The following PALM2AKAP2 variants were observed in gnomAD, a reference collection of about 807,000 sequenced individuals.
PALM2AKAP2 encodes PALM2-AKAP2 fusion protein.
In PALM2AKAP2, 37 loss-of-function variants were observed where a neutral mutation model predicts 71.5. The ratio of observed to expected loss-of-function variants is 0.52; its 90% CI spans 0.40 to 0.68. PALM2AKAP2 has a LOEUF of 0.68. PALM2AKAP2 is among the 30% of genes least tolerant of loss of function. The probability of loss-of-function intolerance (pLI) is 0.00; values close to 1 mark genes in which losing one functional copy is unlikely to be tolerated. For missense variants in PALM2AKAP2, 1,224 were observed against 1,191.8 expected (o/e 1.03, Z -0.40); for synonymous variants, 468 against 478.8 (o/e 0.98, Z 0.29).
intron 3 of PALM2AKAP2, among the ~76,000 whole-genome samples, chr9:109,896,970 G>GT (rs750585312): frequency 7.7e-4 from 117 of 151,440 alleles, no homozygotes; most frequent in East Asian, 4.1e-3. Context: ...TTAGTTTCAA[G>GT]TTTTTTTTTG....
At chr9:109,996,068 A>T (rs182529112) in intron 6 of PALM2AKAP2, among the ~76,000 whole-genome samples, 3 of 152,186 alleles carry the variant, frequency 2.0e-5, no homozygotes, top group East Asian at 1.9e-4. Flanking sequence ...GAGCACAAAG[A>T]CTCTAAATAT....
intron 1 of PALM2AKAP2, among the ~76,000 whole-genome samples, chr9:110,080,039 C>T (rs141054322): frequency 0.014 from 1,853 of 127,818 alleles, 35 homozygotes; most frequent in African/African-American, 0.054. Flanking sequence ...CATTGCACTT[C>T]AGCTTGGGTG....
chr9:110,000,978 A>C (rs1475494462), intron 6 of PALM2AKAP2, among the ~76,000 whole-genome samples: 2 of 152,180 alleles, frequency 1.3e-5, no homozygotes, highest in Non-Finnish European at 2.9e-5. Flanking sequence ...GTTCACTCTG[A>C]TGGTAGTTTC....
chr9:110,112,954 C>G (rs143150065), intron 1 of PALM2AKAP2, among the ~76,000 whole-genome samples: 28 of 152,366 alleles, frequency 1.8e-4, no homozygotes, highest in Non-Finnish European at 3.4e-4. Context: ...AGCACCTCAT[C>G]ATCAACTAAA....
At chr9:110,071,163 CAA>C (rs768229567) in intron 1 of PALM2AKAP2, among the ~76,000 whole-genome samples, 1,873 of 101,824 alleles carry the variant, frequency 0.018, 93 homozygotes, top group African/African-American at 0.073. Flanking sequence ...GACTCTGTTT[CAA>C]AAAAAAAAAA....
At chr9:109,832,487 A>G (rs982320501) in intron 1 of PALM2AKAP2, among the ~76,000 whole-genome samples, 1 of 152,322 alleles carries the variant, frequency 6.6e-6, no homozygotes, top group East Asian at 1.9e-4. Context: ...GAACTTTTCA[A>G]CTTTGGTCCC....
Position 109,906,243 on chromosome 9 carries a change from G to T in PALM2AKAP2, c.258-17492G>T, listed in dbSNP as rs187329869. On this transcript the variant is annotated intron_variant, in intron 3 of 9. Transcript: ENST00000302798. ...GGATGGAATCTTGCTCTGTCACCCA[G>T]GCTGGAGTGCAGTGGTGCAATCTCG... Among the ~76,000 whole-genome samples, 160 of 152,312 alleles carry T rather than the reference G, an allele frequency of 1.1e-3. 2 individuals carry two copies. The highest frequency in any genetic ancestry group is 3.8e-3 in the African/African-American group (156 of 41,562).
intron 3 of PALM2AKAP2, among the ~76,000 whole-genome samples, chr9:109,883,733 T>C (rs2418062): frequency 0.013 from 1,912 of 152,346 alleles, 20 homozygotes; most frequent in Admixed American, 0.034. Context: ...TAAAGGCTCA[T>C]TGCAAACATG....
At chr9:109,662,238 T>A (rs1290239132) in intron 1 of PALM2AKAP2, among the ~76,000 whole-genome samples, 1 of 152,208 alleles carries the variant, frequency 6.6e-6, no homozygotes, top group Non-Finnish European at 1.5e-5. Flanking sequence ...CATCCCTGTC[T>A]TGTGCCAGTT....
chr9:109,687,040 G>T (rs896689416), intron 1 of PALM2AKAP2, among the ~76,000 whole-genome samples: 7 of 152,146 alleles, frequency 4.6e-5, no homozygotes, highest in African/African-American at 1.7e-4. Flanking sequence ...GTATTCCATG[G>T]TGTATATGTG....
intron 1 of PALM2AKAP2, among the ~76,000 whole-genome samples, chr9:109,688,433 C>G (rs183009676): frequency 4.5e-4 from 68 of 152,338 alleles, no homozygotes; most frequent in African/African-American, 1.5e-3. Flanking sequence ...GAGCCTTGCT[C>G]TATCTTGAGT....
intron 6 of PALM2AKAP2, among the ~76,000 whole-genome samples, chr9:109,977,579 A>C (rs1279647451): frequency 6.6e-6 from 1 of 152,210 alleles, no homozygotes; most frequent in Non-Finnish European, 1.5e-5. Context: ...TACACCAAAA[A>C]GTAATTGGTT....
chr9:110,044,671 T>A (rs1588074881), upstream of PALM2AKAP2, among the ~76,000 whole-genome samples: 1 of 151,968 alleles, frequency 6.6e-6, no homozygotes, highest in Non-Finnish European at 1.5e-5. Flanking sequence ...TCTTACTTTT[T>A]TTTTTTTTTA....
At chr9:109,956,385 G>A (rs1020467436) in intron 6 of PALM2AKAP2, among the ~76,000 whole-genome samples, 2 of 152,034 alleles carry the variant, frequency 1.3e-5, no homozygotes, top group African/African-American at 4.8e-5. Context: ...TTAAAAACAC[G>A]AGCTGTGGGC....
intron 1 of PALM2AKAP2, among the ~76,000 whole-genome samples, chr9:110,133,492 GATTA>G (rs1384531172): frequency 1.5e-4 from 23 of 152,158 alleles, no homozygotes; most frequent in Non-Finnish European, 3.2e-4. Flanking sequence ...TTAATGAACG[GATTA>G]ATTAATTAAA....
intron 3 of PALM2AKAP2, among the ~76,000 whole-genome samples, chr9:110,165,833 T>C (rs1260915592): frequency 6.6e-6 from 1 of 152,204 alleles, no homozygotes; most frequent in Non-Finnish European, 1.5e-5. Context: ...TATGTGTAAA[T>C]TGGATTGATA....
chr9:109,823,485 G>A (rs187664271), intron 1 of PALM2AKAP2, among the ~76,000 whole-genome samples: 1 of 152,322 alleles, frequency 6.6e-6, no homozygotes, highest in Admixed American at 6.5e-5. Flanking sequence ...AGTCACAGAG[G>A]CAGCTTTCAA....
intron 1 of PALM2AKAP2, among the ~76,000 whole-genome samples, chr9:109,855,298 C>T (rs965884140): frequency 1.3e-5 from 2 of 152,156 alleles, no homozygotes; most frequent in African/African-American, 4.8e-5. Context: ...GTCTCGAACT[C>T]CTGAGCTCAA....
chr9:110,125,455 G>C, intron 1 of PALM2AKAP2: 1 of 971,782 alleles, frequency 1.0e-6, no homozygotes, highest in Non-Finnish European at 1.2e-6. Flanking sequence ...AGGGAGCAGA[G>C]GGAGGGCCCA....
Sources: allele counts gnomAD v4.1 joint callset (sites outside exome capture counted in the v4.1 genomes callset), GRCh38; gene constraint gnomAD v4.1.1; transcripts MANE v1.5; gene names NCBI Gene and HGNC (gene_info 2026-07-23, HGNC 2026-07-21).